Variants in ZMYND8 observed in about 807,000 individuals in gnomAD.
ZMYND8 encodes the protein zinc finger MYND-type containing 8, also known as MYND-type zinc finger-containing chromatin reader ZMYND8.
Under a neutral mutation model 140.8 loss-of-function variants are expected in ZMYND8, and 37 were observed. That is an observed-to-expected ratio of 0.26 (90% CI 0.20 to 0.35). The LOEUF is 0.35. Among genes scored for constraint, ZMYND8 ranks in the 10% least tolerant of loss-of-function variants. The probability of loss-of-function intolerance (pLI) is 1.00; values close to 1 mark genes in which losing one functional copy is unlikely to be tolerated. For synonymous variants in ZMYND8, 592 were observed against 597.1 expected, an observed-to-expected ratio of 0.99 and a Z score of 0.12; for missense variants, 1,068 against 1,570.0, an observed-to-expected ratio of 0.68 and a Z score of 5.40.
chr20:47,349,880 A>C, intron 1 of ZMYND8: 2 of 1,535,676 alleles, frequency 1.3e-6, no homozygotes, highest in Non-Finnish European at 1.7e-6. Context: ...TTCTGCAGCG[A>C]TGAAAACATT....
chr20:47,347,982 G>C (rs1418386923), intron 1 of ZMYND8, 56 bp from the exon 2 acceptor site: 2 of 1,568,288 alleles, frequency 1.3e-6, no homozygotes, highest in East Asian at 2.2e-5. Context: ...TGCCCCATGG[G>C]GGCAGCTATT....
At chr20:47,241,704 G>C (rs538571345) in intron 14 of ZMYND8, among the ~76,000 whole-genome samples, 1 of 152,008 alleles carries the variant, frequency 6.6e-6, no homozygotes, top group African/African-American at 2.4e-5. Flanking sequence ...GCCCCAGAGA[G>C]GATATCTGGG....
chr20:47,254,855 A>G (rs1385267515), intron 12 of ZMYND8, among the ~76,000 whole-genome samples: 1 of 152,206 alleles, frequency 6.6e-6, no homozygotes, highest in Admixed American at 6.5e-5. Context: ...GGCCAGGCGC[A>G]GTGCCTCATG....
intron 2 of ZMYND8, among the ~76,000 whole-genome samples, chr20:47,331,219 T>C (rs1035920538): frequency 4.6e-5 from 7 of 152,198 alleles, no homozygotes; most frequent in African/African-American, 1.7e-4. Context: ...TAGGAAGGGA[T>C]AGCCAGGAAG....
intron 16 of ZMYND8, among the ~76,000 whole-genome samples, chr20:47,233,569 T>C (rs746044950): frequency 6.6e-6 from 1 of 152,098 alleles, no homozygotes; most frequent in Non-Finnish European, 1.5e-5. Flanking sequence ...ACCATGAACA[T>C]TTGTGGTCAG....
chr20:47,349,981 G>A (rs550935710), intron 1 of ZMYND8: 2 of 1,519,866 alleles, frequency 1.3e-6, no homozygotes, highest in East Asian at 2.5e-5. Flanking sequence ...CTTCAGGCAG[G>A]AATGCTGCTG....
chr20:47,307,630 C>A (rs539305089), intron 3 of ZMYND8, among the ~76,000 whole-genome samples: 13 of 152,194 alleles, frequency 8.5e-5, no homozygotes, highest in African/African-American at 2.6e-4. Flanking sequence ...GAGTTCAAGA[C>A]CAGCCTGGCC....
intron 2 of ZMYND8, among the ~76,000 whole-genome samples, chr20:47,317,349 CT>C (rs1295096052): frequency 6.6e-6 from 1 of 152,134 alleles, no homozygotes; most frequent in African/African-American, 2.4e-5. Context: ...CTTTTCCAGC[CT>C]CCATCAAGGC....
intron 10 of ZMYND8, 70 bp downstream of exon 10, chr20:47,282,032 T>A (rs1184782057): frequency 3.9e-6 from 5 of 1,273,748 alleles, no homozygotes; most frequent in Non-Finnish European, 4.4e-6. Flanking sequence ...CCTCCACTTC[T>A]TTTCTTATCT....
intron 3 of ZMYND8, among the ~76,000 whole-genome samples, chr20:47,302,739 G>C (rs773558669): frequency 4.6e-5 from 7 of 152,136 alleles, no homozygotes; most frequent in Non-Finnish European, 7.3e-5. Context: ...TTGAATCCAG[G>C]AGAGTGTGTG....
At chr20:47,226,854 G>T (rs1234882352) in intron 18 of ZMYND8, among the ~76,000 whole-genome samples, 3 of 151,548 alleles carry the variant, frequency 2.0e-5, no homozygotes, top group Non-Finnish European at 4.4e-5. Context: ...TAGAGATAGG[G>T]TTTCGCCAGA....
At chr20:47,267,087 G>T (rs1454959856) in intron 11 of ZMYND8, among the ~76,000 whole-genome samples, 1 of 152,186 alleles carries the variant, frequency 6.6e-6, no homozygotes, top group Non-Finnish European at 1.5e-5. Context: ...TCTGATACGT[G>T]CTGCAGTGTG....
intron 18 of ZMYND8, among the ~76,000 whole-genome samples, chr20:47,225,577 G>GGAAGGGGAAGGGAGGGTAAT (rs2037573179): frequency 1.0e-3 from 2 of 2,002 alleles, no homozygotes; most frequent in Admixed American, 3.7e-3. Flanking sequence ...GGGAGGGGAA[G>GGAAGGGGAAGGGAGGGTAAT]GGAGGGGAAG....
At chr20:47,335,166 G>C (rs1235363555) in intron 2 of ZMYND8, among the ~76,000 whole-genome samples, 1 of 151,980 alleles carries the variant, frequency 6.6e-6, no homozygotes, top group Admixed American at 6.6e-5. Context: ...AGGACTGCTT[G>C]AGCCAGGAAA....
rs1364942538 is a variant in ZMYND8 at position 47,229,813 on chromosome 20, G to C, written c.2857-7C>G. ...CTTTTATTGCATCCATCATCTGAAAGATAAAAACAGAAACAATTCAGCTGA... is the reference window on the plus strand; with the variant it reads ...CTTTTATTGCATCCATCATCTGAAACATAAAAACAGAAACAATTCAGCTGA... On this transcript the variant is annotated splice_region_variant and splice_polypyrimidine_tract_variant and intron_variant, in intron 16 of 22. Coordinates refer to ENST00000471951, the MANE Select transcript of ZMYND8 (RefSeq NM_001281775.3). 6.2e-7 allele frequency: 1 copy of C among 1,607,186 alleles called. No individual in the cohort carries two copies. Among genetic ancestry groups the C allele is most frequent in the Non-Finnish European group, 8.5e-7 (1 of 1,175,702 alleles).
At position 47,298,196 on chromosome 20, in the gene ZMYND8, G is replaced by T; in HGVS notation, c.453+533C>A. 16 of 828,600 alleles carry T rather than the reference G, an allele frequency of 1.9e-5. No individual in the cohort carries two copies. Among genetic ancestry groups the T allele is most frequent in the Non-Finnish European group, 2.2e-5 (15 of 687,254 alleles). The allele number at this position is 828,600 out of a possible 1,614,324, so 51.3% of individuals were successfully genotyped here. The stretch of plus-strand genomic sequence containing the variant: ...CCTTTTCTGCTGGAAAAAAAAAAAT[G>T]ATCCATGCCTGTTTTTGTGCACTGT... On this transcript the variant is annotated intron_variant, in intron 4 of 22. Coordinates refer to ENST00000471951, the MANE Select transcript of ZMYND8 (RefSeq NM_001281775.3). This position sits in a 1 kb window ranked among gnomAD's most constrained non-coding sequence, Gnocchi z 5.0.
At chr20:47,306,490 G>C (rs1239028064) in intron 3 of ZMYND8, among the ~76,000 whole-genome samples, 1 of 151,906 alleles carries the variant, frequency 6.6e-6, no homozygotes, top group Non-Finnish European at 1.5e-5. Context: ...GGGTGGAATA[G>C]GGACCAAACT....
rs964946872 is a variant in ZMYND8 at position 47,310,222 on chromosome 20, C to G, written c.86-18G>C. ...GCCAGGATCTGAAAGAGATACAGGA[C>G]CACAGGTTTTAAAGCAGTCAGGGAG... On this transcript the variant is annotated intron_variant, in intron 2 of 22. Transcript: ENST00000471951. The G allele has an allele frequency of 6.3e-6, 10 of 1,584,054 alleles. No homozygotes were observed. Among genetic ancestry groups the G allele is most frequent in the Non-Finnish European group, 7.7e-6 (9 of 1,170,622 alleles).
chr20:47,315,042 T>C (rs750250446), intron 2 of ZMYND8, among the ~76,000 whole-genome samples: 9 of 152,064 alleles, frequency 5.9e-5, no homozygotes, highest in Admixed American at 3.9e-4. Context: ...CTCCAATGAT[T>C]AAAAACTTCA....
Sources: gnomAD v4.1 joint callset for allele counts (sites outside exome capture counted in the v4.1 genomes callset) on GRCh38, gnomAD v4.1.1 for gene constraint, Gnocchi (gnomAD v3.1) non-coding constraint, MANE v1.5 for transcripts, NCBI Gene and HGNC (gene_info 2026-07-23, HGNC 2026-07-21) for gene names.